The following ADAMTSL1 variants were observed in gnomAD, a reference collection of about 807,000 sequenced individuals.
ADAMTSL1 encodes ADAMTS like 1, also known as ADAMTS-like protein 1.
A neutral mutation model predicts 201.8 loss-of-function variants in ADAMTSL1; 126 were observed. The observed-to-expected ratio is 0.62, with a 90% CI of 0.54 to 0.72. ADAMTSL1 has a LOEUF of 0.72. Ranked by LOEUF, ADAMTSL1 falls within the 30% of genes least tolerant of loss-of-function variation. ADAMTSL1 has a pLI of 0.00. For missense variants in ADAMTSL1, 2,679 were observed against 2,277.8 expected (o/e 1.18, Z -3.59); for synonymous variants, 1,121 against 903.4 (o/e 1.24, Z -4.32).
At chr9:18,383,383 T>G (rs544137212) in intron 2 of ADAMTSL1, among the ~76,000 whole-genome samples, 1 of 152,086 alleles carries the variant, frequency 6.6e-6, no homozygotes, top group South Asian at 2.1e-4. Flanking sequence ...TTTGAGTACG[T>G]GTTTAAGGCC....
At chr9:18,098,938 TC>T (rs1429415749) in intron 1 of ADAMTSL1, among the ~76,000 whole-genome samples, 1 of 152,158 alleles carries the variant, frequency 6.6e-6, no homozygotes, top group Non-Finnish European at 1.5e-5. Context: ...TGAGTTTCCC[TC>T]CCCTAAAGAT....
At chr9:17,941,552 C>A (rs1258174783) in intron 1 of ADAMTSL1, among the ~76,000 whole-genome samples, 1 of 152,066 alleles carries the variant, frequency 6.6e-6, no homozygotes, top group Non-Finnish European at 1.5e-5. Context: ...CAGTCTCTAC[C>A]ATTTATCCTA....
intron 1 of ADAMTSL1, among the ~76,000 whole-genome samples, chr9:17,930,941 C>T (rs1259652844): frequency 6.6e-6 from 1 of 152,160 alleles, no homozygotes; most frequent in Non-Finnish European, 1.5e-5. Flanking sequence ...GGTTGGACTG[C>T]TGGCGGCATT....
intron 2 of ADAMTSL1, among the ~76,000 whole-genome samples, chr9:18,406,361 C>G (rs1363934006): frequency 1.8e-5 from 1 of 54,448 alleles, no homozygotes; most frequent in African/African-American, 4.6e-5. Flanking sequence ...TGGACTCTCA[C>G]TCTGTCGCCC....
chr9:18,634,757 G>A (rs2132762780), intron 5 of ADAMTSL1, among the ~76,000 whole-genome samples: 1 of 146,828 alleles, frequency 6.8e-6, no homozygotes, highest in East Asian at 2.0e-4. Context: ...AGAATTGCTT[G>A]AACCCAGGAA....
chr9:18,261,614 CA>C (rs1402912108), intron 2 of ADAMTSL1, among the ~76,000 whole-genome samples: 3 of 152,292 alleles, frequency 2.0e-5, no homozygotes, highest in East Asian at 3.9e-4. Context: ...CAACCTTTGA[CA>C]GTTAAAGGTG....
rs539086926 is a variant in ADAMTSL1 at position 18,181,952 on chromosome 9, C to T, written c.207+17971C>T. On this transcript the variant is annotated intron_variant, in intron 2 of 29. Coordinates refer to the ADAMTSL1 transcript ENST00000680146. ...CACATATACACCATGGAATACTATG[C>T]AGCCATAAAAAAATGATGAGTTCAT... 3.3e-3 allele frequency among the ~76,000 whole-genome samples: 499 copies of T among 152,234 alleles called. 3 individuals carry two copies. The highest frequency in any genetic ancestry group is 5.8e-3 in the South Asian group (28 of 4,816).
chr9:17,972,882 T>A (rs375329715), intron 1 of ADAMTSL1, among the ~76,000 whole-genome samples: 5,195 of 146,920 alleles, frequency 0.035, 118 homozygotes, highest in Middle Eastern at 0.072. Flanking sequence ...GGTATCTCAT[T>A]GTGGTTTTGA....
intron 2 of ADAMTSL1, among the ~76,000 whole-genome samples, chr9:18,432,877 C>T (rs1263498380): frequency 6.6e-6 from 1 of 152,168 alleles, no homozygotes; most frequent in African/African-American, 2.4e-5. Flanking sequence ...CAGACAGTAG[C>T]AAGTGTCCCT....
intron 20 of ADAMTSL1, among the ~76,000 whole-genome samples, chr9:18,810,831 A>G (rs1300008676): frequency 6.6e-6 from 1 of 152,240 alleles, no homozygotes; most frequent in South Asian, 2.1e-4. Context: ...GCTAAGTACC[A>G]CTAAAGGCCC....
At chr9:18,901,883 A>G (rs1830036593) in intron 26 of ADAMTSL1, among the ~76,000 whole-genome samples, 1 of 152,210 alleles carries the variant, frequency 6.6e-6, no homozygotes, top group African/African-American at 2.4e-5. Context: ...AATAAAAAAG[A>G]CATGATTCAA....
At chr9:17,908,820 C>T (rs189516628) in intron 1 of ADAMTSL1, among the ~76,000 whole-genome samples, 2,150 of 152,200 alleles carry the variant, frequency 0.014, 48 homozygotes, top group African/African-American at 0.05. Flanking sequence ...ATTTATAGTC[C>T]TTTGGGTATA....
intron 1 of ADAMTSL1, among the ~76,000 whole-genome samples, chr9:17,976,208 C>A (rs989613704): frequency 1.4e-5 from 2 of 147,886 alleles, no homozygotes; most frequent in Non-Finnish European, 3.0e-5. Flanking sequence ...ATTTGGGGAT[C>A]TTTTGTGATT....
chr9:18,238,253 G>A (rs556911332), intron 2 of ADAMTSL1, among the ~76,000 whole-genome samples: 2 of 152,178 alleles, frequency 1.3e-5, no homozygotes, highest in Admixed American at 6.5e-5. Flanking sequence ...TTTGAAACTG[G>A]GTCATAGAAA....
At chr9:18,323,744 A>G (rs10756956) in intron 2 of ADAMTSL1, among the ~76,000 whole-genome samples, 13,654 of 152,284 alleles carry the variant, frequency 0.09, 821 homozygotes, top group East Asian at 0.25. Context: ...CTTTAAACAT[A>G]TGAAATACAT....
intron 1 of ADAMTSL1, among the ~76,000 whole-genome samples, chr9:18,057,625 C>G (rs750272655): frequency 3.9e-5 from 6 of 152,086 alleles, no homozygotes; most frequent in Non-Finnish European, 7.4e-5. Flanking sequence ...GTGGGCTGAC[C>G]GTGGCCTATG....
intron 2 of ADAMTSL1, among the ~76,000 whole-genome samples, chr9:18,252,335 AG>A (rs2132495246): frequency 6.6e-6 from 1 of 152,310 alleles, no homozygotes; most frequent in South Asian, 2.1e-4. Context: ...TGGTTACAGA[AG>A]AAATGCAAAT....
intron 14 of ADAMTSL1, among the ~76,000 whole-genome samples, chr9:18,712,409 C>A (rs1289681180): frequency 6.6e-6 from 1 of 151,516 alleles, no homozygotes; most frequent in Non-Finnish European, 1.5e-5. Flanking sequence ...CTTAAAGGAG[C>A]TGATGGAGCT....
intron 3 of ADAMTSL1, among the ~76,000 whole-genome samples, chr9:18,550,905 A>C (rs1820762847): frequency 6.6e-6 from 1 of 151,934 alleles, no homozygotes; most frequent in Non-Finnish European, 1.5e-5. Flanking sequence ...TTGGGAAGAA[A>C]ATGGAAACAC....
Sources: gnomAD v4.1 joint callset for allele counts (sites outside exome capture counted in the v4.1 genomes callset) on GRCh38, gnomAD v4.1.1 for gene constraint, MANE v1.5 for transcripts, NCBI Gene and HGNC (gene_info 2026-07-23, HGNC 2026-07-21) for gene names.